Variants in GRM8 observed in about 807,000 individuals in gnomAD.
The protein encoded by GRM8 is metabotropic glutamate receptor 8.
In GRM8, 47 loss-of-function variants were observed where a neutral mutation model predicts 87.2. The ratio of observed to expected loss-of-function variants is 0.54; its 90% CI spans 0.43 to 0.69. GRM8 has a LOEUF of 0.69. Among genes scored for constraint, GRM8 ranks in the 30% least tolerant of loss-of-function variants. The pLI is 0.00. For missense variants in GRM8, 1,019 were observed against 1,139.2 expected (o/e 0.89, Z 1.52); for synonymous variants, 396 against 404.5 (o/e 0.98, Z 0.25).
At chr7:127,214,799 A>C (rs893412642) in intron 2 of GRM8, among the ~76,000 whole-genome samples, 33 of 152,212 alleles carry the variant, frequency 2.2e-4, no homozygotes, top group Admixed American at 6.5e-4. Context: ...AAACCATATC[A>C]GATGTTAAAA....
intron 2 of GRM8, among the ~76,000 whole-genome samples, chr7:127,239,583 C>T (rs1297005982): frequency 1.3e-5 from 2 of 152,084 alleles, no homozygotes; most frequent in Non-Finnish European, 2.9e-5. Context: ...TATTATTTTT[C>T]AAAAAGGAGC....
intron 7 of GRM8, among the ~76,000 whole-genome samples, chr7:126,657,666 A>G (rs143430167): frequency 6.6e-5 from 10 of 152,384 alleles, no homozygotes; most frequent in Admixed American, 2.0e-4. Flanking sequence ...TTGCCTAAAC[A>G]TAACAGGTCA....
In GRM8 at chr7:126,752,306, T is replaced by TA. The variant is rs201157365; in HGVS notation, c.1357+17558dup. The stretch of plus-strand genomic sequence containing the variant: ...GGTCAACAAAGCAAGACCAAGTCTC[T>TA]AAAAAAAAATGACTATGAAAATTAA... On this transcript the variant is annotated intron_variant, in intron 7 of 10. Coordinates refer to ENST00000339582, the MANE Select transcript of GRM8 (RefSeq NM_000845.3). Among the ~76,000 whole-genome samples, 217 of 150,704 alleles carry TA rather than the reference T, an allele frequency of 1.4e-3. 6 individuals carry two copies. Among genetic ancestry groups the TA allele is most frequent in the Admixed American group, 0.013 (203 of 15,080 alleles).
At chr7:126,712,760 A>T (rs1385008430) in intron 7 of GRM8, among the ~76,000 whole-genome samples, 1 of 152,172 alleles carries the variant, frequency 6.6e-6, no homozygotes, top group East Asian at 1.9e-4. Flanking sequence ...CAAGAAAAAA[A>T]CCCCATCAAA....
At chr7:126,547,259 T>C (rs1210555126) in intron 8 of GRM8, among the ~76,000 whole-genome samples, 1 of 152,154 alleles carries the variant, frequency 6.6e-6, no homozygotes, top group African/African-American at 2.4e-5. Context: ...TTTTCTGCCA[T>C]GCAAAATCAA....
chr7:127,029,756 A>G (rs953052552), intron 3 of GRM8, among the ~76,000 whole-genome samples: 11 of 151,892 alleles, frequency 7.2e-5, no homozygotes, highest in African/African-American at 2.7e-4. Context: ...TCTCCTGAAT[A>G]CAGCACACCA....
intron 6 of GRM8, among the ~76,000 whole-genome samples, chr7:126,836,399 T>C (rs1795831662): frequency 6.6e-6 from 1 of 152,216 alleles, no homozygotes; most frequent in Non-Finnish European, 1.5e-5. Context: ...AATACCTGGT[T>C]CAAGGTGGAT....
intron 3 of GRM8, among the ~76,000 whole-genome samples, chr7:126,918,950 T>C (rs1321645151): frequency 1.3e-5 from 2 of 152,210 alleles, no homozygotes; most frequent in South Asian, 4.1e-4. Flanking sequence ...CATAAATTTC[T>C]GTGATATAAT....
intron 8 of GRM8, among the ~76,000 whole-genome samples, chr7:126,539,605 ATAGAC>A (rs1367626121): frequency 6.6e-6 from 1 of 152,134 alleles, no homozygotes; most frequent in Non-Finnish European, 1.5e-5. Context: ...AATTAGTGGC[ATAGAC>A]TAGAGAGTCC....
chr7:126,858,866 G>A (rs1473883716), intron 6 of GRM8, among the ~76,000 whole-genome samples: 3 of 151,990 alleles, frequency 2.0e-5, no homozygotes, highest in Non-Finnish European at 2.9e-5. Context: ...TTTGTCTTTT[G>A]ACACTCCTTT....
At chr7:126,923,626 C>T (rs1804773293) in intron 3 of GRM8, among the ~76,000 whole-genome samples, 1 of 152,142 alleles carries the variant, frequency 6.6e-6, no homozygotes, top group Non-Finnish European at 1.5e-5. Context: ...AAAATGGCTT[C>T]AGAGAACAGG....
chr7:126,791,550 C>T (rs1821328156), intron 6 of GRM8, among the ~76,000 whole-genome samples: 1 of 152,200 alleles, frequency 6.6e-6, no homozygotes, highest in Non-Finnish European at 1.5e-5. Context: ...GAGGCATTCT[C>T]TCTTTCCCTT....
intron 7 of GRM8, among the ~76,000 whole-genome samples, chr7:126,619,558 A>T (rs1409273404): frequency 6.6e-6 from 1 of 152,184 alleles, no homozygotes; most frequent in Non-Finnish European, 1.5e-5. Flanking sequence ...TTAAAAAAAG[A>T]AATATAACAA....
chr7:126,803,906 C>T (rs973062508), intron 6 of GRM8, among the ~76,000 whole-genome samples: 1 of 152,182 alleles, frequency 6.6e-6, no homozygotes, highest in African/African-American at 2.4e-5. Flanking sequence ...AGGCAGTATG[C>T]CTGGCACATA....
intron 8 of GRM8, among the ~76,000 whole-genome samples, chr7:126,593,243 A>T (rs537005439): frequency 6.6e-6 from 1 of 152,202 alleles, no homozygotes; most frequent in African/African-American, 2.4e-5. Flanking sequence ...TTCTTCACAG[A>T]ACTAGAAAAA....
In GRM8 at chr7:126,456,724, C is replaced by T. The variant is rs531915604; in HGVS notation, c.2431-10352G>A. Among the ~76,000 whole-genome samples the T allele has an allele frequency of 7.9e-5, 12 of 151,100 alleles. No individual in the cohort carries two copies. In the South Asian group the frequency reaches 2.5e-3, roughly 32 times the overall value. The stretch of plus-strand genomic sequence containing the variant: ...ACCTGAAACTTATCCTCGAATTATC[C>T]CAATCCCAGATTATATCAAGGTGAA... On this transcript the variant is annotated intron_variant, in intron 9 of 10. Transcript: ENST00000339582.
chr7:126,468,248 G>A (rs942568950), intron 9 of GRM8, among the ~76,000 whole-genome samples: 1 of 100,572 alleles, frequency 9.9e-6, no homozygotes, highest in Non-Finnish European at 2.0e-5. Context: ...AAAAGACAGT[G>A]TACCATTGAC....
rs761256362 is a variant in GRM8 at position 126,446,366 on chromosome 7, T to C, written c.2437A>G (p.Ile813Val). ...GAGACAGTAAGTGTTGTTGTCTGGA[T>C]GTACATCTGAGGGAAGAAAAAAAAA... ...GTAQSAEKMY[I>V]QTTTLTVSMS... Residue 813 changes from isoleucine to valine, a missense_variant, in exon 10 of 11, where the codon ATC becomes GTC. Coordinates refer to ENST00000339582, the MANE Select transcript of GRM8 (RefSeq NM_000845.3). 1 of 1,597,832 alleles carries C rather than the reference T, an allele frequency of 6.3e-7. No individual in the cohort carries two copies.
At chr7:126,834,952 T>C (rs1280605249) in intron 6 of GRM8, among the ~76,000 whole-genome samples, 1 of 151,814 alleles carries the variant, frequency 6.6e-6, no homozygotes, top group African/African-American at 2.4e-5. Flanking sequence ...GGTGTGTGCC[T>C]GTATTCCCAG....
Sources: allele counts gnomAD v4.1 joint callset (sites outside exome capture counted in the v4.1 genomes callset), GRCh38; gene constraint gnomAD v4.1.1; transcripts MANE v1.5; gene names NCBI Gene and HGNC (gene_info 2026-07-23, HGNC 2026-07-21).